The following SUMO2 variants were observed in gnomAD, a reference collection of about 807,000 sequenced individuals.
The protein encoded by SUMO2 is small ubiquitin-related modifier 2.
SUMO2 carries 1 observed loss-of-function variant against 16.0 expected under a neutral mutation model. The observed-to-expected ratio is 0.06, with a 90% CI of 0.02 to 0.30. SUMO2 has a LOEUF of 0.30. SUMO2 is among the 10% of genes least tolerant of loss of function. The pLI, the probability that SUMO2 is intolerant of heterozygous loss-of-function variation, is 1.00. For missense variants in SUMO2, 16 were observed against 117.5 expected (o/e 0.14, Z 3.99); for synonymous variants, 36 against 40.6 (o/e 0.89, Z 0.43).
intron 3 of SUMO2, among the ~76,000 whole-genome samples, chr17:75,168,646 A>C (rs2074711615): frequency 6.6e-6 from 1 of 151,926 alleles, no homozygotes; most frequent in Admixed American, 6.6e-5. Flanking sequence ...TCTGTCACCC[A>C]GGCTGGACTG....
chr17:75,175,149 A>G (rs1213409962), intron 2 of SUMO2, among the ~76,000 whole-genome samples: 1 of 151,428 alleles, frequency 6.6e-6, no homozygotes, highest in Non-Finnish European at 1.5e-5. Flanking sequence ...CAACCGGCTA[A>G]TTTTTGTAGT....
At chr17:75,170,869 A>T (rs951240571) in intron 3 of SUMO2, among the ~76,000 whole-genome samples, 1 of 151,240 alleles carries the variant, frequency 6.6e-6, no homozygotes, top group East Asian at 1.9e-4. Context: ...AAAAAAAAAA[A>T]CCCAAATTAA....
At chr17:75,181,482 C>G (rs1242017913) in intron 1 of SUMO2, among the ~76,000 whole-genome samples, 1 of 152,130 alleles carries the variant, frequency 6.6e-6, no homozygotes, top group Non-Finnish European at 1.5e-5. Flanking sequence ...TGAAGTTAAA[C>G]TTCCTAAAAT....
intron 1 of SUMO2, among the ~76,000 whole-genome samples, chr17:75,181,453 G>A (rs1017161442): frequency 4.6e-5 from 7 of 152,112 alleles, no homozygotes; most frequent in African/African-American, 1.7e-4. Context: ...GTCCTATTCA[G>A]TGTATTGCAA....
intron 3 of SUMO2, among the ~76,000 whole-genome samples, chr17:75,172,685 G>A (rs534483222): frequency 3.3e-4 from 50 of 151,996 alleles, no homozygotes; most frequent in Admixed American, 7.9e-4. Context: ...ATGTTGGTCG[G>A]AGTGGTCTCA....
At chr17:75,178,000 A>AAG (rs975206398) in intron 2 of SUMO2, among the ~76,000 whole-genome samples, 1 of 149,484 alleles carries the variant, frequency 6.7e-6, no homozygotes, top group African/African-American at 2.5e-5. Context: ...AAAAAAAAAA[A>AAG]AAAAAAAAAA....
In SUMO2 at chr17:75,182,778, C is replaced by G. The variant is rs766230639; in HGVS notation, c.21+36G>C. ...CCCCGGCCCGCGCCATGACCCCCAC[C>G]GCGCGGCGAGGCGAAGGGGCCGGCG... On this transcript the variant is annotated intron_variant, in intron 1 of 3. Transcript: ENST00000420826. 6 of 1,325,546 alleles carry G rather than the reference C, an allele frequency of 4.5e-6. No individual in the cohort carries two copies. In the Admixed American group the frequency reaches 2.2e-4, roughly 48 times the overall value. 82.1% of individuals were successfully genotyped at this position (1,325,546 alleles called of 1,614,324 possible). A position where few individuals can be genotyped will look rare whatever the true frequency, so the allele number is the denominator to read the frequency against.
In SUMO2 at chr17:75,166,929, A is replaced by G. The variant is rs1365646199; in HGVS notation, c.*1410T>C. ...TCTCAAAAAACCACCACCAAAAGAA[A>G]CCCTAAGAAACAAAAATTAAAATAA... On this transcript the variant is annotated 3_prime_UTR_variant, in exon 4 of 4. Coordinates refer to ENST00000420826, the MANE Select transcript of SUMO2 (RefSeq NM_006937.4). The G allele has an allele frequency of 1.3e-5, 2 of 151,828 alleles. No individual in the cohort carries two copies. The highest frequency in any genetic ancestry group is 6.6e-5 in the Admixed American group (1 of 15,162). The allele number at this position is 151,828 out of a possible 1,614,324, so 9.4% of individuals were successfully genotyped here.
At chr17:75,177,674 T>G (rs1598226537) in intron 2 of SUMO2, among the ~76,000 whole-genome samples, 1 of 145,032 alleles carries the variant, frequency 6.9e-6, no homozygotes, top group African/African-American at 2.6e-5. Context: ...AGAGGAAAAC[T>G]CCATCTTAAA....
At position 75,182,903 on chromosome 17, in the gene SUMO2, A is replaced by T; in HGVS notation, c.-69T>A. 7.9e-7 allele frequency: 1 copy of T among 1,261,642 alleles called. No individual in the cohort carries two copies. The allele number at this position is 1,261,642 out of a possible 1,614,324, so 78.2% of individuals were successfully genotyped here. On this transcript the variant is annotated 5_prime_UTR_variant, in exon 1 of 4. Transcript: ENST00000420826. ...TACCAGGTCCGCACCAAACGAGCAC[A>T]CAAGCAGCACCAGGAGCGGCAGAAG...
rs1201217296 is a variant in SUMO2, at chr17:75,167,044, C to A, written c.*1295G>T. The A allele has an allele frequency of 6.6e-6, 1 of 150,966 alleles. No individual in the cohort carries two copies. Among genetic ancestry groups the A allele is most frequent in the African/African-American group, 2.4e-5 (1 of 41,006 alleles). 9.4% of individuals were successfully genotyped at this position (150,966 alleles called of 1,614,324 possible). On this transcript the variant is annotated 3_prime_UTR_variant, in exon 4 of 4. Coordinates refer to ENST00000420826, the MANE Select transcript of SUMO2 (RefSeq NM_006937.4). Reference sequence around the variant, plus strand: ...CCTCAATATTCTTGAATAGGCCAGGCGTGGTGGCTCATGCCGTAATCCCTG... The same window carrying A: ...CCTCAATATTCTTGAATAGGCCAGGAGTGGTGGCTCATGCCGTAATCCCTG...
At chr17:75,182,664 A>C (rs2074838992) in intron 1 of SUMO2, 150 bp downstream of exon 1, 1 of 541,126 alleles carries the variant, frequency 1.8e-6, no homozygotes, top group South Asian at 9.3e-5. Context: ...GAGGGAGGAA[A>C]ATGGCGCGGA....
At chr17:75,171,429 G>C (rs1007311090) in intron 3 of SUMO2, among the ~76,000 whole-genome samples, 1 of 151,618 alleles carries the variant, frequency 6.6e-6, no homozygotes, top group Non-Finnish European at 1.5e-5. Flanking sequence ...CAGGAGAATC[G>C]CTTGAACCCA....
chr17:75,172,331 T>C (rs1206992339), intron 3 of SUMO2, among the ~76,000 whole-genome samples: 2 of 150,384 alleles, frequency 1.3e-5, no homozygotes, highest in African/African-American at 2.4e-5. Context: ...CAGACTTTTT[T>C]TTTTTTTTTT....
Sources: gnomAD v4.1 joint callset for allele counts (sites outside exome capture counted in the v4.1 genomes callset) on GRCh38, gnomAD v4.1.1 for gene constraint, MANE v1.5 for transcripts, NCBI Gene and HGNC (gene_info 2026-07-23, HGNC 2026-07-21) for gene names.